TBC1D32: variants seen among roughly 807,000 people sequenced by gnomAD.
TBC1D32 encodes the protein TBC1 domain family member 32.
Under a neutral mutation model 170.3 loss-of-function variants are expected in TBC1D32, and 151 were observed. The observed-to-expected ratio is 0.89, with a 90% CI of 0.78 to 1.01. The LOEUF (loss-of-function observed/expected upper bound fraction) is 1.01. Ranked by LOEUF, TBC1D32 falls within the 50% of genes least tolerant of loss-of-function variation. The probability of loss-of-function intolerance (pLI) is 0.00; values close to 1 mark genes in which losing one functional copy is unlikely to be tolerated. For synonymous variants in TBC1D32, 498 were observed against 488.0 expected (o/e 1.02, Z -0.27); for missense variants, 1,464 against 1,457.1 (o/e 1.00, Z -0.08).
At chr6:121,240,594 T>C (rs1796848475) in intron 19 of TBC1D32, among the ~76,000 whole-genome samples, 1 of 151,670 alleles carries the variant, frequency 6.6e-6, no homozygotes, top group Admixed American at 6.6e-5. Context: ...ATAACCTTAA[T>C]ATAAGACATA....
chr6:121,111,688 A>C (rs1428086747), intron 29 of TBC1D32, among the ~76,000 whole-genome samples: 1 of 152,152 alleles, frequency 6.6e-6, no homozygotes. Flanking sequence ...ATAACATTAT[A>C]AAATTTTAAT....
At chr6:121,085,611 T>C (rs996879301) in intron 31 of TBC1D32, among the ~76,000 whole-genome samples, 3 of 151,926 alleles carry the variant, frequency 2.0e-5, no homozygotes, top group African/African-American at 4.8e-5. Flanking sequence ...CTTAAGATTT[T>C]CTACTACAAT....
intron 22 of TBC1D32, among the ~76,000 whole-genome samples, chr6:121,170,970 T>C (rs1283348224): frequency 6.6e-6 from 1 of 151,952 alleles, no homozygotes; most frequent in Non-Finnish European, 1.5e-5. Context: ...AATTTTATAA[T>C]TGTCAGATCA....
chr6:121,253,864 A>T (rs1798619957), intron 17 of TBC1D32, among the ~76,000 whole-genome samples: 1 of 152,202 alleles, frequency 6.6e-6, no homozygotes, highest in African/African-American at 2.4e-5. Flanking sequence ...CTACAATTTG[A>T]TCCAGCAATC....
chr6:121,087,031 T>C (rs1776332374), intron 31 of TBC1D32, among the ~76,000 whole-genome samples: 1 of 152,224 alleles, frequency 6.6e-6, no homozygotes. Context: ...GACTGAGCTC[T>C]TTCTTCAGCA....
intron 24 of TBC1D32, among the ~76,000 whole-genome samples, chr6:121,138,145 A>G (rs887510435): frequency 2.6e-5 from 4 of 152,168 alleles, no homozygotes; most frequent in African/African-American, 7.2e-5. Context: ...AACTAATACA[A>G]AGAATTTATA....
chr6:121,158,276 A>G (rs573097393), intron 24 of TBC1D32, among the ~76,000 whole-genome samples: 3 of 152,294 alleles, frequency 2.0e-5, no homozygotes, highest in African/African-American at 4.8e-5. Flanking sequence ...AGCTTGGTCT[A>G]TTCTGCTATT....
At chr6:121,207,226 T>C (rs181968295) in intron 21 of TBC1D32, among the ~76,000 whole-genome samples, 19 of 152,262 alleles carry the variant, frequency 1.2e-4, no homozygotes, top group Admixed American at 9.1e-4. Flanking sequence ...GTTCTATGCA[T>C]AGTAGTTTCT....
chr6:121,183,171 A>C (rs898813591), intron 22 of TBC1D32, among the ~76,000 whole-genome samples: 12 of 152,044 alleles, frequency 7.9e-5, no homozygotes, highest in African/African-American at 2.9e-4. Flanking sequence ...AGGCATTATG[A>C]AGTTACTTTT....
At chr6:121,133,166 A>G (rs1781626859) in intron 24 of TBC1D32, among the ~76,000 whole-genome samples, 1 of 152,024 alleles carries the variant, frequency 6.6e-6, no homozygotes, top group Non-Finnish European at 1.5e-5. Context: ...TAACCCCACC[A>G]GCAAGATACT....
chr6:121,130,001 T>C (rs1282977332), intron 25 of TBC1D32: 2 of 402,522 alleles, frequency 5.0e-6, no homozygotes, highest in East Asian at 7.2e-5. Context: ...TAACCAAAGG[T>C]AAATTAGAAA....
chr6:121,178,233 T>A (rs974453173), intron 22 of TBC1D32, among the ~76,000 whole-genome samples: 2 of 152,046 alleles, frequency 1.3e-5, no homozygotes, highest in Non-Finnish European at 2.9e-5. Context: ...AACATGAGAT[T>A]TGGGTGGGGA....
At position 121,080,516 on chromosome 6, in the gene TBC1D32, G is replaced by A; in HGVS notation, c.*255C>T. ...GGCATGAGCCACCGCGCCTGGCCAGGACTAACTCTTAAACATGAATAAGAA... is the reference window on the plus strand; with the variant it reads ...GGCATGAGCCACCGCGCCTGGCCAGAACTAACTCTTAAACATGAATAAGAA... On this transcript the variant is annotated 3_prime_UTR_variant, in exon 32 of 32. Transcript: ENST00000398212. 2 of 352,602 alleles carry A rather than the reference G, an allele frequency of 5.7e-6. No homozygotes were observed. The highest frequency in any genetic ancestry group is 8.4e-5 in the South Asian group (2 of 23,834). The allele number at this position is 352,602 out of a possible 1,614,324, so 21.8% of individuals were successfully genotyped here.
In TBC1D32 at chr6:121,089,524, C is replaced by T. The variant is rs185559323; in HGVS notation, c.3654+1329G>A. Among the ~76,000 whole-genome samples the T allele has an allele frequency of 4.9e-3, 753 of 152,242 alleles. 3 individuals carry two copies. The highest frequency in any genetic ancestry group is 7.1e-3 in the Non-Finnish European group (480 of 67,990). On this transcript the variant is annotated intron_variant, in intron 31 of 31. Coordinates refer to ENST00000398212, the MANE Select transcript of TBC1D32 (RefSeq NM_152730.6). ...ATAATTTCAATTTGCTTAACACTTC[C>T]TGTATTCCAAATCACCTCTTAGAGA...
chr6:121,334,695 C>G, upstream of TBC1D32: 1 of 495,292 alleles, frequency 2.0e-6, no homozygotes, highest in Non-Finnish European at 3.6e-6. Context: ...AGACCTCAGG[C>G]TCTCCCGACT....
At chr6:121,170,426 A>G in intron 22 of TBC1D32, 1 of 1,603,792 alleles carries the variant, frequency 6.2e-7, no homozygotes. Context: ...AGAAATCTCC[A>G]AGATATTTTC....
intron 5 of TBC1D32, among the ~76,000 whole-genome samples, chr6:121,305,936 T>C (rs1807258278): frequency 6.6e-6 from 1 of 152,144 alleles, no homozygotes; most frequent in Non-Finnish European, 1.5e-5. Flanking sequence ...AAACTGAACC[T>C]TGCTGCATAA....
chr6:121,100,956 C>G (rs1178061029), intron 30 of TBC1D32, among the ~76,000 whole-genome samples: 2 of 152,084 alleles, frequency 1.3e-5, no homozygotes, highest in African/African-American at 4.8e-5. Context: ...ATACTATAAA[C>G]AACTCTATAC....
chr6:121,276,444 A>G (rs1802225106), intron 15 of TBC1D32, among the ~76,000 whole-genome samples: 1 of 152,176 alleles, frequency 6.6e-6, no homozygotes, highest in South Asian at 2.1e-4. Context: ...TAATTGATAT[A>G]CTAAGAGAGG....
Sources: gnomAD v4.1 joint callset for allele counts (sites outside exome capture counted in the v4.1 genomes callset) on GRCh38, gnomAD v4.1.1 for gene constraint, MANE v1.5 for transcripts, NCBI Gene and HGNC (gene_info 2026-07-23, HGNC 2026-07-21) for gene names.